RAD18: variants seen among roughly 807,000 people sequenced by gnomAD.
RAD18 encodes the protein E3 ubiquitin-protein ligase RAD18.
RAD18 carries 47 observed loss-of-function variants against 60.4 expected under a neutral mutation model. That is an observed-to-expected ratio of 0.78 (90% CI 0.62 to 0.99). The LOEUF (loss-of-function observed/expected upper bound fraction) is 0.99, where lower values mean the gene tolerates loss of function less well. RAD18 is among the 50% of genes least tolerant of loss of function. The pLI, the probability that RAD18 is intolerant of heterozygous loss-of-function variation, is 0.00. For synonymous variants in RAD18, 225 were observed against 195.5 expected, an observed-to-expected ratio of 1.15 and a Z score of -1.26; for missense variants, 640 against 593.3, an observed-to-expected ratio of 1.08 and a Z score of -0.82.
At chr3:8,942,514 A>C (rs1940769588) in intron 4 of RAD18, among the ~76,000 whole-genome samples, 1 of 152,206 alleles carries the variant, frequency 6.6e-6, no homozygotes, top group African/African-American at 2.4e-5. Flanking sequence ...TGCATAAAAA[A>C]CAACTCTTTG....
At chr3:8,937,416 T>C (rs2124824421) in intron 6 of RAD18, among the ~76,000 whole-genome samples, 1 of 152,054 alleles carries the variant, frequency 6.6e-6, no homozygotes, top group South Asian at 2.1e-4. Context: ...AACACGAAAA[T>C]GACATTGATT....
At chr3:8,901,678 G>A (rs1379738555) in intron 10 of RAD18, among the ~76,000 whole-genome samples, 1 of 152,160 alleles carries the variant, frequency 6.6e-6, no homozygotes, top group Non-Finnish European at 1.5e-5. Flanking sequence ...TTTCATGAGT[G>A]CAAAGTTTGT....
rs568105972 is a variant in RAD18 at position 8,920,344 on chromosome 3, A to T, written c.890-6624T>A. Among the ~76,000 whole-genome samples, 33 of 152,256 alleles carry T rather than the reference A, an allele frequency of 2.2e-4. No homozygotes were observed. In the South Asian group the frequency reaches 6.4e-3, roughly 30 times the overall value. On this transcript the variant is annotated intron_variant, in intron 7 of 12. Transcript: ENST00000264926. ...GGCAGAGGGAAGGGCTCTTGTTTTC[A>T]GAATCATGCCAAGTATCAATTAGCA... is the stretch of plus-strand genomic sequence containing the variant.
chr3:8,903,606 T>G (rs761618700), intron 9 of RAD18, among the ~76,000 whole-genome samples: 1 of 152,230 alleles, frequency 6.6e-6, no homozygotes, highest in African/African-American at 2.4e-5. Context: ...TCATTATTAA[T>G]GTACCAATCT....
chr3:8,960,987 G>A (rs528207662), intron 1 of RAD18, among the ~76,000 whole-genome samples: 19 of 152,254 alleles, frequency 1.2e-4, no homozygotes, highest in Non-Finnish European at 2.2e-4. Context: ...CATTATTGTG[G>A]ATGGTAAGCT....
chr3:8,923,372 T>C (rs572507727), intron 7 of RAD18, among the ~76,000 whole-genome samples: 1 of 151,966 alleles, frequency 6.6e-6, no homozygotes, highest in Non-Finnish European at 1.5e-5. Context: ...GAACAAAGAA[T>C]AAAAAGAAAT....
At position 8,902,450 on chromosome 3, in the gene RAD18, T is replaced by G. The variant is rs560521182; in HGVS notation, c.1098A>C (p.Gly366=). Residue 366 remains glycine, a synonymous_variant, in exon 10 of 13, where the codon GGA becomes GGC. Transcript: ENST00000264926. The part of the protein sequence containing the change: ...QARKGYKKIA[G]MSQKTVTITK... ...TTATTGTTACTGTTTTTTGTGACAT[T>G]CCAGCAATTTTCTTGTATCCTTTTC... 6.2e-7 allele frequency: 1 copy of G among 1,610,578 alleles called. No homozygotes were observed. Among genetic ancestry groups the G allele is most frequent in the African/African-American group, 1.3e-5 (1 of 74,736 alleles).
At chr3:8,923,223 C>T (rs1940362324) in intron 7 of RAD18, among the ~76,000 whole-genome samples, 1 of 152,134 alleles carries the variant, frequency 6.6e-6, no homozygotes, top group Non-Finnish European at 1.5e-5. Flanking sequence ...CCTTAAATGA[C>T]CTGATGGAGC....
At chr3:8,884,909 G>A (rs1575530262) in intron 12 of RAD18, among the ~76,000 whole-genome samples, 1 of 152,172 alleles carries the variant, frequency 6.6e-6, no homozygotes, top group South Asian at 2.1e-4. Context: ...GGTACAGCAG[G>A]TTTTTAAATT....
chr3:8,906,140 G>A (rs1200359859), intron 9 of RAD18, among the ~76,000 whole-genome samples: 2 of 152,130 alleles, frequency 1.3e-5, no homozygotes, highest in Non-Finnish European at 2.9e-5. Flanking sequence ...AGAATAGAAA[G>A]TATCAGAATG....
At chr3:8,909,239 G>C (rs1422853065) in intron 9 of RAD18, among the ~76,000 whole-genome samples, 3 of 152,196 alleles carry the variant, frequency 2.0e-5, no homozygotes, top group African/African-American at 4.8e-5. Context: ...GGCAGGTCCA[G>C]ATACAGGAAA....
intron 6 of RAD18, among the ~76,000 whole-genome samples, chr3:8,938,305 G>T (rs1486900198): frequency 6.6e-6 from 1 of 152,084 alleles, no homozygotes; most frequent in East Asian, 1.9e-4. Flanking sequence ...GTTAGCTTTT[G>T]TAAGTTGTAA....
At chr3:8,907,586 C>T (rs550664366) in intron 9 of RAD18, among the ~76,000 whole-genome samples, 6 of 152,118 alleles carry the variant, frequency 3.9e-5, no homozygotes, top group African/African-American at 1.4e-4. Flanking sequence ...GCAACACAAG[C>T]GGCTGATGCA....
intron 7 of RAD18, among the ~76,000 whole-genome samples, chr3:8,915,147 C>A (rs377176957): frequency 7.2e-3 from 724 of 101,026 alleles, no homozygotes; most frequent in East Asian, 0.02. Context: ...GACTCCGTCT[C>A]AAAAAAAAAA....
At chr3:8,917,578 G>A (rs1010234593) in intron 7 of RAD18, among the ~76,000 whole-genome samples, 1 of 152,022 alleles carries the variant, frequency 6.6e-6, no homozygotes, top group Non-Finnish European at 1.5e-5. Flanking sequence ...TTACTTGACT[G>A]TAACTAATGA....
At chr3:8,959,968 C>T (rs1048674335) in intron 1 of RAD18, among the ~76,000 whole-genome samples, 1 of 151,354 alleles carries the variant, frequency 6.6e-6, no homozygotes, top group African/African-American at 2.4e-5. Context: ...AAGGTATAGA[C>T]AGTACATATA....
chr3:8,915,825 C>T (rs962592085), intron 7 of RAD18, among the ~76,000 whole-genome samples: 118 of 152,078 alleles, frequency 7.8e-4, no homozygotes, highest in Non-Finnish European at 5.6e-4. Flanking sequence ...CCTCGTGATC[C>T]ACCCGCCTCG....
At chr3:8,898,389 T>TGCATGC (rs1939838186) in intron 11 of RAD18, among the ~76,000 whole-genome samples, 1 of 147,192 alleles carries the variant, frequency 6.8e-6, no homozygotes, top group Admixed American at 6.8e-5. Context: ...TGCGTGTGTG[T>TGCATGC]GTGTGTGTGT....
chr3:8,947,650 T>C (rs574566505), intron 3 of RAD18, among the ~76,000 whole-genome samples: 21 of 152,350 alleles, frequency 1.4e-4, no homozygotes, highest in African/African-American at 5.1e-4. Flanking sequence ...TTTTAAGTTC[T>C]AACACTGGGA....
Sources: gnomAD v4.1 joint callset for allele counts (sites outside exome capture counted in the v4.1 genomes callset) on GRCh38, gnomAD v4.1.1 for gene constraint, MANE v1.5 for transcripts, NCBI Gene and HGNC (gene_info 2026-07-23, HGNC 2026-07-21) for gene names.